Variants in DPP4 observed in about 807,000 individuals in gnomAD.
The protein encoded by DPP4 is dipeptidyl peptidase 4.
In DPP4, 93 loss-of-function variants were observed where a neutral mutation model predicts 122.4. The observed-to-expected ratio is 0.76, with a 90% CI of 0.64 to 0.90. The LOEUF is 0.90. DPP4 is among the 40% of genes least tolerant of loss of function. The pLI is 0.00. For synonymous variants in DPP4, 321 were observed against 302.9 expected (o/e 1.06, Z -0.62); for missense variants, 914 against 907.3 (o/e 1.01, Z -0.09).
rs778605163 is a variant in DPP4 at position 162,018,689 on chromosome 2, C to G, written c.1420+40G>C. ...GAGGGAGCTGCTTCGAAGTGAGTAA[C>G]AGCGGCGACTGCCCTCCCTCCCAGG... On this transcript the variant is annotated intron_variant, in intron 16 of 25. Transcript: ENST00000360534. 5 of 1,603,488 alleles carry G rather than the reference C, an allele frequency of 3.1e-6. No individual in the cohort carries two copies. In the Admixed American group the frequency reaches 8.6e-5, roughly 28 times the overall value.
At chr2:162,060,091 C>T (rs1684712369) in intron 2 of DPP4, among the ~76,000 whole-genome samples, 1 of 152,156 alleles carries the variant, frequency 6.6e-6, no homozygotes, top group Non-Finnish European at 1.5e-5. Flanking sequence ...GGCGCCAAAG[C>T]CTGTGGTTAC....
chr2:162,031,240 C>T (rs1303971310), intron 10 of DPP4, among the ~76,000 whole-genome samples: 1 of 152,174 alleles, frequency 6.6e-6, no homozygotes, highest in Admixed American at 6.5e-5. Flanking sequence ...TACCTCACAG[C>T]GGTGTTGTGA....
rs544585622 is a variant in DPP4, at chr2:161,993,180, G to A, written c.*103C>T. The stretch of plus-strand genomic sequence containing the variant: ...GGTAACCTTAAGTTTCTTGATTTGA[G>A]TGTGTATTTTAAAGATCATCATCAT... On this transcript the variant is annotated 3_prime_UTR_variant, in exon 26 of 26. Coordinates refer to ENST00000360534, the MANE Select transcript of DPP4 (RefSeq NM_001935.4). 2 of 894,474 alleles carry A rather than the reference G, an allele frequency of 2.2e-6. No individual in the cohort carries two copies. Among genetic ancestry groups the A allele is most frequent in the South Asian group, 3.2e-5 (2 of 62,690 alleles). The allele number at this position is 894,474 out of a possible 1,614,324, so 55.4% of individuals were successfully genotyped here.
chr2:162,036,967 A>G (rs1036711048), intron 8 of DPP4, among the ~76,000 whole-genome samples: 7 of 152,234 alleles, frequency 4.6e-5, no homozygotes, highest in African/African-American at 1.7e-4. Flanking sequence ...ACATAAAATC[A>G]ATATAATCAG....
At chr2:162,020,518 T>A (rs12692646) in intron 13 of DPP4, 63 bp downstream of exon 13, 414,750 of 1,273,514 alleles carry the variant, frequency 0.33, 73,162 homozygotes, top group East Asian at 0.7. Context: ...GATTTCCACT[T>A]CAAGTTGGTT....
intron 20 of DPP4, among the ~76,000 whole-genome samples, chr2:162,011,504 T>C (rs534899990): frequency 6.6e-6 from 1 of 152,256 alleles, no homozygotes; most frequent in South Asian, 2.1e-4. Flanking sequence ...GTCTGATGAA[T>C]TTTGATTTTC....
Position 162,037,806 on chromosome 2 carries a change from C to G in DPP4, c.613+496G>C, listed in dbSNP as rs116378182. The stretch of plus-strand genomic sequence containing the variant: ...AAGCCTTTCTAATTGCTTTTTTATT[C>G]TTAAAAACAGGAAATCATAATTTGT... On this transcript the variant is annotated intron_variant, in intron 8 of 25. Coordinates refer to ENST00000360534, the MANE Select transcript of DPP4 (RefSeq NM_001935.4). Among the ~76,000 whole-genome samples the G allele has an allele frequency of 2.0e-3, 304 of 151,992 alleles. 1 individual carries two copies. Among genetic ancestry groups the G allele is most frequent in the African/African-American group, 7.1e-3 (296 of 41,478 alleles).
intron 24 of DPP4, 112 bp downstream of exon 24, chr2:161,995,188 A>G: frequency 7.6e-7 from 1 of 1,320,960 alleles, no homozygotes; most frequent in Non-Finnish European, 1.1e-6. Flanking sequence ...GGAAAGCAAC[A>G]CTGTTTTATT....
In DPP4 at chr2:162,033,617, C is replaced by T; in HGVS notation, c.811G>A (p.Val271Ile). The stretch of plus-strand genomic sequence containing the variant: ...ACTGAGCTGAGAGAGTCTGTATTTA[C>T]AACAAAGAACTTTACAGTTGGATTC... ...AVNPTVKFFV[V>I]NTDSLSSVTN... Residue 271 changes from valine (V) to isoleucine (I), a missense_variant, in exon 10 of 26, where the codon GTA becomes ATA. By Grantham distance (29) the Val-to-Ile change is conservative (BLOSUM62 3). Coordinates refer to ENST00000360534, the MANE Select transcript of DPP4 (RefSeq NM_001935.4). 3 of 1,608,678 alleles carry T rather than the reference C, an allele frequency of 1.9e-6. No homozygotes were observed. The highest frequency in any genetic ancestry group is 2.5e-6 in the Non-Finnish European group (3 of 1,177,912).
intron 2 of DPP4, among the ~76,000 whole-genome samples, chr2:162,064,941 T>C (rs1160585200): frequency 6.6e-6 from 1 of 152,176 alleles, no homozygotes; most frequent in Non-Finnish European, 1.5e-5. Flanking sequence ...TGTTGAAAAA[T>C]TAAATCTTTC....
intron 2 of DPP4, chr2:162,073,131 C>A: frequency 3.1e-6 from 1 of 319,524 alleles, no homozygotes; most frequent in Non-Finnish European, 5.7e-6. Context: ...TTTAAAAATC[C>A]CGACTCTCCC....
chr2:162,035,535 G>A (rs992403974), intron 8 of DPP4, among the ~76,000 whole-genome samples: 6 of 152,102 alleles, frequency 3.9e-5, no homozygotes, highest in Non-Finnish European at 8.8e-5. Flanking sequence ...TAAGTAACCC[G>A]TTGGACCATT....
Position 162,020,225 on chromosome 2 carries a change from TCA to T in DPP4, c.1244+2_1244+3del. The T allele has an allele frequency of 6.2e-7, 1 of 1,607,458 alleles. No homozygotes were observed. On this transcript the variant is annotated splice_donor_variant and splice_donor_region_variant and intron_variant, in intron 14 of 25. Transcript: ENST00000360534. LOFTEE classifies it high-confidence loss of function. Reference sequence around the variant, plus strand: ...TATATCCTATCAATTGTTACAATACTCACAGATAATCACTGGTTAGAGCTTCT... The same window carrying T: ...TATATCCTATCAATTGTTACAATACTCAGATAATCACTGGTTAGAGCTTCT...
chr2:162,008,487 G>A, intron 22 of DPP4, 75 bp downstream of exon 22: 1 of 1,278,004 alleles, frequency 7.8e-7, no homozygotes, highest in Non-Finnish European at 1.1e-6. Flanking sequence ...CTGAAACTCA[G>A]AAAGGAATGG....
intron 12 of DPP4, 124 bp from the exon 13 acceptor site, chr2:162,020,812 A>G: frequency 3.6e-6 from 2 of 560,972 alleles, no homozygotes; most frequent in East Asian, 3.1e-5. Context: ...TATATGCCAA[A>G]TTAAAATTAG....
In DPP4 at chr2:162,024,912, C is replaced by G. The variant is rs1412266842; in HGVS notation, c.915G>C (p.Trp305Cys). ...IGDHYLCDVT[W>C]ATQERISLQW... ...GCAAAGAAATTCTTTCTTGTGTTGC[C>G]CATGTCACATCACACAAGTAGTGAT... is the stretch of plus-strand genomic sequence containing the variant. The change falls in exon 11 of 26, where the codon TGG becomes TGC. Residue 305 changes from tryptophan to cysteine, a missense_variant. By Grantham distance (215) the Trp-to-Cys change is radical. Transcript: ENST00000360534. The G allele has an allele frequency of 6.2e-7, 1 of 1,613,574 alleles. No individual in the cohort carries two copies. Among genetic ancestry groups the G allele is most frequent in the Admixed American group, 1.7e-5 (1 of 59,996 alleles).
At chr2:162,019,776 G>T (rs1683054467) in intron 14 of DPP4, among the ~76,000 whole-genome samples, 1 of 152,168 alleles carries the variant, frequency 6.6e-6, no homozygotes, top group Admixed American at 6.5e-5. Context: ...AAGTGCCTCA[G>T]ATTCTAATGA....
chr2:162,072,166 G>A (rs373775109), intron 2 of DPP4, among the ~76,000 whole-genome samples: 6 of 152,188 alleles, frequency 3.9e-5, no homozygotes, highest in East Asian at 3.9e-4. Flanking sequence ...AGCAACTAAC[G>A]CGGTGCCTGG....
intron 22 of DPP4, among the ~76,000 whole-genome samples, chr2:162,006,807 AT>A (rs1315054148): frequency 6.6e-6 from 1 of 152,138 alleles, no homozygotes; most frequent in Non-Finnish European, 1.5e-5. Flanking sequence ...AAGTGACCAG[AT>A]TACAGTTAAA....
Sources: gnomAD v4.1 joint callset for allele counts (sites outside exome capture counted in the v4.1 genomes callset) on GRCh38, gnomAD v4.1.1 for gene constraint, MANE v1.5 for transcripts, NCBI Gene and HGNC (gene_info 2026-07-23, HGNC 2026-07-21) for gene names.